Variants in RNF14 observed in about 807,000 individuals in gnomAD.
RNF14 encodes the protein ring finger protein 14.
A neutral mutation model predicts 52.6 loss-of-function variants in RNF14; 26 were observed. That is an observed-to-expected ratio of 0.49 (90% confidence interval 0.36 to 0.69). The LOEUF is 0.69. Ranked by LOEUF, RNF14 falls within the 30% of genes least tolerant of loss-of-function variation. The probability of loss-of-function intolerance (pLI) is 0.00; values close to 1 mark genes in which losing one functional copy is unlikely to be tolerated. For synonymous variants in RNF14, 194 were observed against 202.0 expected (o/e 0.96, Z 0.34); for missense variants, 404 against 560.4 (o/e 0.72, Z 2.82).
At chr5:141,969,788 G>C (rs1172073079) in intron 1 of RNF14, 1 of 152,218 alleles carries the variant, frequency 6.6e-6, no homozygotes, top group Non-Finnish European at 1.5e-5. Context: ...GGTGTGGCCT[G>C]GGTATTGAGA....
chr5:141,955,471 G>T (rs1261549011), upstream of RNF14: 36 of 1,613,928 alleles, frequency 2.2e-5, no homozygotes, highest in Non-Finnish European at 2.7e-5. This position sits in a 1 kb window ranked among gnomAD's most constrained non-coding sequence, Gnocchi z 5.5. Flanking sequence ...ATCTTTGTGG[G>T]ACTGCCCGAC....
At chr5:141,963,821 A>G (rs1443857842), upstream of RNF14, among the ~76,000 whole-genome samples, 1 of 152,166 alleles carries the variant, frequency 6.6e-6, no homozygotes, top group African/African-American at 2.4e-5. Context: ...AGGAAGGAAA[A>G]TGAGTCTTCC....
At chr5:141,981,974 G>A (rs1253523920) in intron 6 of RNF14, among the ~76,000 whole-genome samples, 1 of 152,174 alleles carries the variant, frequency 6.6e-6, no homozygotes, top group Non-Finnish European at 1.5e-5. Flanking sequence ...AGGAAAGAGT[G>A]GGTAGATAAT....
At position 141,978,830 on chromosome 5, in the gene RNF14, G is replaced by A. The variant is rs1410972031; in HGVS notation, c.834G>A (p.Gln278=). The A allele has an allele frequency of 1.2e-5, 19 of 1,612,460 alleles. No individual in the cohort carries two copies. Among genetic ancestry groups the A allele is most frequent in the Non-Finnish European group, 1.5e-5 (18 of 1,178,710 alleles). Reference sequence around the variant, plus strand: ...GCCCTTCGGTGGCCACTCCTGGTCAGGTAACTGTTTACCCTGCTGATGGTT... The same window carrying A: ...GCCCTTCGGTGGCCACTCCTGGTCAAGTAACTGTTTACCCTGCTGATGGTT... ...PKCPSVATPG[Q]VKELVEAELF... is the part of the protein sequence containing the mutation. Residue 278 remains glutamine (Q), a splice_region_variant and synonymous_variant, in exon 5 of 9, where the codon CAG becomes CAA. Coordinates refer to ENST00000394520, the MANE Select transcript of RNF14 (RefSeq NM_004290.5).
At chr5:141,982,844 G>C (rs1754901389) in intron 6 of RNF14, among the ~76,000 whole-genome samples, 1 of 152,098 alleles carries the variant, frequency 6.6e-6, no homozygotes, top group Non-Finnish European at 1.5e-5. Flanking sequence ...GAATGGTGCT[G>C]ACTTAGTGGA....
chr5:141,955,383 G>T (rs1274132371), upstream of RNF14: 1 of 1,613,904 alleles, frequency 6.2e-7, no homozygotes, highest in Non-Finnish European at 8.5e-7. The surrounding 1 kb of genome is among the most constrained non-coding windows in gnomAD (Gnocchi z 5.5). Context: ...GCAGCGTCCT[G>T]TACAGGGTCG....
rs1755498215 is a variant in RNF14 at position 141,989,808 on chromosome 5, GTTCAA to G, written c.*2023_*2027del. ...GAAGAGTGATTTCTGTGATCAAAGA[GTTCAA>G]TTCAGATTTATTCAGAAAGAGCTAC... is the stretch of plus-strand genomic sequence containing the variant. On this transcript the variant is annotated 3_prime_UTR_variant, in exon 9 of 9. Coordinates refer to ENST00000394520, the MANE Select transcript of RNF14 (RefSeq NM_004290.5). The G allele has an allele frequency of 6.6e-6, 1 of 152,064 alleles. No homozygotes were observed. The allele number at this position is 152,064 out of a possible 1,614,324, so 9.4% of individuals were successfully genotyped here.
In RNF14 at chr5:141,984,811, C is replaced by A; in HGVS notation, c.1245C>A (p.Asp415Glu). 1 of 1,613,644 alleles carries A rather than the reference C, an allele frequency of 6.2e-7. No homozygotes were observed. Among genetic ancestry groups the A allele is most frequent in the South Asian group, 1.1e-5 (1 of 91,056 alleles). ...PCCGTPIEKL[D>E]GCNKMTCTGC... ...TCTATCCTTCCCACCAGAAATTAGA[C>A]GGATGTAACAAGATGACATGTACTG... is the stretch of plus-strand genomic sequence containing the variant. The change falls in exon 8 of 9, where the codon GAC becomes GAA. Residue 415 changes from aspartate to glutamate, a missense_variant. By Grantham distance (45) the Asp-to-Glu change is conservative. Coordinates refer to ENST00000394520, the MANE Select transcript of RNF14 (RefSeq NM_004290.5).
the RNF14 span, among the ~76,000 whole-genome samples, chr5:141,951,784 T>G: frequency 4.7e-4 from 71 of 152,346 alleles, 1 homozygote; most frequent in South Asian, 0.013. Flanking sequence ...TGCTCTGTCA[T>G]GTCACCCCAG....
intron 1 of RNF14, chr5:141,969,396 T>A (rs1222132078): frequency 6.6e-6 from 1 of 152,336 alleles, no homozygotes; most frequent in Non-Finnish European, 1.5e-5. Context: ...GTGTGGGCCC[T>A]GCTCCTTCGG....
upstream of RNF14, among the ~76,000 whole-genome samples, chr5:141,963,893 C>A (rs990255227): frequency 5.3e-5 from 8 of 152,156 alleles, no homozygotes; most frequent in African/African-American, 1.7e-4. Flanking sequence ...AGGAGTTGAG[C>A]CTGGAGCTCT....
At chr5:141,954,673 T>C, upstream of RNF14, among the ~76,000 whole-genome samples, 1 of 152,204 alleles carries the variant, frequency 6.6e-6, no homozygotes. Flanking sequence ...AAATGCCTTA[T>C]AGGAATTAAT....
At chr5:141,969,019 CA>C (rs1259502802), upstream of RNF14, 1 of 152,222 alleles carries the variant, frequency 6.6e-6, no homozygotes, top group African/African-American at 2.4e-5. Context: ...GCCCGAGAGG[CA>C]GGGGCGACCA....
upstream of RNF14, chr5:141,958,079 AG>A (rs2126931898): frequency 3.5e-6 from 2 of 565,070 alleles, no homozygotes; most frequent in East Asian, 6.0e-5. Context: ...AAGAATTGCC[AG>A]GGGAGACCCC....
upstream of RNF14, chr5:141,957,017 C>G: frequency 6.2e-7 from 1 of 1,614,208 alleles, no homozygotes; most frequent in Non-Finnish European, 8.5e-7. This position sits in a 1 kb window ranked among gnomAD's most constrained non-coding sequence, Gnocchi z 4.3. Flanking sequence ...AAGAACTCCA[C>G]CTCCCCATTG....
intron 7 of RNF14, among the ~76,000 whole-genome samples, chr5:141,984,463 T>G (rs1284466440): frequency 6.6e-6 from 1 of 152,204 alleles, no homozygotes; most frequent in Non-Finnish European, 1.5e-5. Context: ...AAATATTTAC[T>G]TAGATTTCTG....
At chr5:141,957,858 C>T (rs1348121756), upstream of RNF14, 27 of 1,593,818 alleles carry the variant, frequency 1.7e-5, no homozygotes, top group East Asian at 2.2e-5. The surrounding 1 kb of genome is among the most constrained non-coding windows in gnomAD (Gnocchi z 4.3). Flanking sequence ...TCATGCTTAC[C>T]GCCAAGTGGG....
chr5:141,955,102 T>C (rs1451347398), upstream of RNF14: 3 of 1,614,060 alleles, frequency 1.9e-6, no homozygotes, highest in Non-Finnish European at 1.7e-6. This position sits in a 1 kb window ranked among gnomAD's most constrained non-coding sequence, Gnocchi z 5.5. Flanking sequence ...CACTTTGCCA[T>C]TGAGATGTCG....
In RNF14 at chr5:141,980,227, C is replaced by T; in HGVS notation, c.939C>T (p.Cys313=). ...ATGTGGTGTACTGCCCCCGGCCGTG[C>T]TGCCAGCTGCCTGTGATGCAGGAAC... The part of the protein sequence containing the change: ...MADVVYCPRP[C]CQLPVMQEPG... The change falls in exon 6 of 9, where the codon TGC becomes TGT. Residue 313 remains cysteine, a synonymous_variant. Transcript: ENST00000394520. 6.2e-7 allele frequency: 1 copy of T among 1,614,250 alleles called. No homozygotes were observed. Among genetic ancestry groups the T allele is most frequent in the Non-Finnish European group, 8.5e-7 (1 of 1,180,032 alleles).
Sources: allele counts gnomAD v4.1 joint callset (sites outside exome capture counted in the v4.1 genomes callset), GRCh38; gene constraint gnomAD v4.1.1; non-coding constraint Gnocchi (gnomAD v3.1); transcripts MANE v1.5; gene names NCBI Gene and HGNC (gene_info 2026-07-23, HGNC 2026-07-21).